The following TRHDE variants were observed in gnomAD, a reference collection of about 807,000 sequenced individuals.
TRHDE encodes the protein thyrotropin releasing hormone degrading enzyme.
Under a neutral mutation model 125.7 loss-of-function variants are expected in TRHDE, and 72 were observed. That is an observed-to-expected ratio of 0.57 (90% CI 0.47 to 0.70). The LOEUF is 0.70. Among genes scored for constraint, TRHDE ranks in the 30% least tolerant of loss-of-function variants. The pLI is 0.00. For missense variants in TRHDE, 1,110 were observed against 1,327.1 expected, an observed-to-expected ratio of 0.84 and a Z score of 2.54; for synonymous variants, 509 against 509.1, an observed-to-expected ratio of 1.00 and a Z score of 0.00.
chr12:72,376,349 G>A (rs185148379), intron 2 of TRHDE, among the ~76,000 whole-genome samples: 7 of 152,128 alleles, frequency 4.6e-5, no homozygotes, highest in Admixed American at 6.5e-5. Context: ...TTAAAGGTCC[G>A]CTTCCTATGA....
At chr12:72,314,970 A>G (rs567095834) in intron 2 of TRHDE, among the ~76,000 whole-genome samples, 6 of 152,364 alleles carry the variant, frequency 3.9e-5, no homozygotes, top group African/African-American at 1.4e-4. Flanking sequence ...AATATAATTC[A>G]TGTTTTAATT....
intron 7 of TRHDE, among the ~76,000 whole-genome samples, chr12:72,551,943 C>T (rs1869696108): frequency 6.6e-6 from 1 of 151,862 alleles, no homozygotes; most frequent in Non-Finnish European, 1.5e-5. Flanking sequence ...AGGGAGATTC[C>T]AAGAAGAGGG....
chr12:72,385,196 A>G (rs1053234498), intron 3 of TRHDE, among the ~76,000 whole-genome samples: 36 of 152,078 alleles, frequency 2.4e-4, no homozygotes, highest in African/African-American at 6.0e-4. Context: ...CTAATTTTAT[A>G]TAATGTGAAT....
chr12:72,577,136 T>C (rs1448269226), intron 12 of TRHDE, among the ~76,000 whole-genome samples: 1 of 152,240 alleles, frequency 6.6e-6, no homozygotes, highest in Non-Finnish European at 1.5e-5. Context: ...AGAAGGATAA[T>C]GTATTTAATG....
intron 13 of TRHDE, among the ~76,000 whole-genome samples, 176 bp from the exon 14 acceptor site, chr12:72,620,932 A>G (rs759838431): frequency 6.6e-6 from 1 of 150,444 alleles, no homozygotes; most frequent in South Asian, 2.1e-4. Flanking sequence ...TCTTTTCTAT[A>G]TATGAAATAC....
intron 2 of TRHDE, among the ~76,000 whole-genome samples, chr12:72,137,253 A>G (rs1876006711): frequency 6.6e-6 from 1 of 152,228 alleles, no homozygotes; most frequent in African/African-American, 2.4e-5. Flanking sequence ...GGGCAACTGC[A>G]TAGATAAGAT....
chr12:72,488,339 C>G (rs1877508369), intron 5 of TRHDE, among the ~76,000 whole-genome samples: 1 of 151,784 alleles, frequency 6.6e-6, no homozygotes, highest in Admixed American at 6.6e-5. Flanking sequence ...AAATTGTAAC[C>G]AAAAGAAAGC....
intron 2 of TRHDE, among the ~76,000 whole-genome samples, chr12:72,250,485 T>C (rs1437477103): frequency 6.6e-6 from 1 of 152,114 alleles, no homozygotes. Flanking sequence ...CAGATTGGAA[T>C]AGGCTGAAAG....
At chr12:72,514,206 C>G (rs921393062) in intron 6 of TRHDE, among the ~76,000 whole-genome samples, 1 of 151,990 alleles carries the variant, frequency 6.6e-6, no homozygotes, top group African/African-American at 2.4e-5. Flanking sequence ...AGGAAAAAAA[C>G]CAATTTACAG....
intron 2 of TRHDE, among the ~76,000 whole-genome samples, chr12:72,153,381 G>A (rs898789208): frequency 4.6e-5 from 7 of 152,032 alleles, no homozygotes; most frequent in Admixed American, 1.3e-4. Context: ...AGGGTTTTTT[G>A]TGTCTCTATT....
intron 6 of TRHDE, among the ~76,000 whole-genome samples, chr12:72,501,673 C>T (rs544188971): frequency 1.3e-5 from 2 of 151,970 alleles, no homozygotes; most frequent in Non-Finnish European, 2.9e-5. Context: ...CGTCTTTCAC[C>T]TTGTTGTCAC....
upstream of TRHDE, among the ~76,000 whole-genome samples, chr12:72,270,212 A>G (rs1179658558): frequency 6.6e-6 from 1 of 152,242 alleles, no homozygotes; most frequent in Non-Finnish European, 1.5e-5. Context: ...ATTTAAAAAC[A>G]GAGCAGAAAA....
At chr12:72,446,150 C>CTT (rs34777250) in intron 3 of TRHDE, among the ~76,000 whole-genome samples, 12,608 of 133,170 alleles carry the variant, frequency 0.095, 726 homozygotes, top group African/African-American at 0.15. Context: ...TTGTGCATTT[C>CTT]TTTTTTTTTT....
intron 2 of TRHDE, among the ~76,000 whole-genome samples, chr12:72,128,019 AAAC>A (rs973137668): frequency 3.9e-5 from 6 of 152,136 alleles, no homozygotes; most frequent in Non-Finnish European, 5.9e-5. Context: ...GCTGCAAAAA[AAAC>A]AGAACCCTGG....
intron 5 of TRHDE, among the ~76,000 whole-genome samples, chr12:72,494,530 C>T (rs559012089): frequency 7.2e-5 from 11 of 151,932 alleles, no homozygotes; most frequent in Non-Finnish European, 4.4e-5. Context: ...AAGTATCTGC[C>T]TTGTATTGCT....
At chr12:72,090,204 T>C (rs1381664132) in intron 1 of TRHDE, among the ~76,000 whole-genome samples, 1 of 152,168 alleles carries the variant, frequency 6.6e-6, no homozygotes, top group Non-Finnish European at 1.5e-5. Flanking sequence ...AGAGCATAGT[T>C]AGGTAATAAT....
chr12:72,526,933 A>G (rs3782364), intron 6 of TRHDE, among the ~76,000 whole-genome samples: 8,702 of 152,232 alleles, frequency 0.057, 347 homozygotes, highest in Admixed American at 0.13. Flanking sequence ...AGAGGAGTCA[A>G]TGTAAATCAG....
At chr12:72,241,465 G>T (rs1341889690) in intron 2 of TRHDE, among the ~76,000 whole-genome samples, 1 of 152,058 alleles carries the variant, frequency 6.6e-6, no homozygotes, top group Non-Finnish European at 1.5e-5. Context: ...TATCCAAGTT[G>T]TGTGCATTAA....
At chr12:72,423,786 A>G (rs188879052) in intron 3 of TRHDE, among the ~76,000 whole-genome samples, 2 of 152,124 alleles carry the variant, frequency 1.3e-5, no homozygotes, top group Non-Finnish European at 2.9e-5. Context: ...TAATCGGAAG[A>G]GTCTTTAAAA....
Sources: gnomAD v4.1 joint callset for allele counts (sites outside exome capture counted in the v4.1 genomes callset) on GRCh38, gnomAD v4.1.1 for gene constraint, MANE v1.5 for transcripts, NCBI Gene and HGNC (gene_info 2026-07-23, HGNC 2026-07-21) for gene names.